ALG5: variants seen among roughly 807,000 people sequenced by gnomAD.
The protein encoded by ALG5 is ALG5 dolichyl-phosphate beta-glucosyltransferase.
Under a neutral mutation model 51.8 loss-of-function variants are expected in ALG5, and 26 were observed. The observed-to-expected ratio is 0.50, with a 90% CI of 0.37 to 0.70. The LOEUF (loss-of-function observed/expected upper bound fraction) is 0.70, where lower values mean the gene tolerates loss of function less well. Ranked by LOEUF, ALG5 falls within the 30% of genes least tolerant of loss-of-function variation. The pLI is 0.00. For missense variants in ALG5, 311 were observed against 399.3 expected, an observed-to-expected ratio of 0.78 and a Z score of 1.88; for synonymous variants, 141 against 136.1, an observed-to-expected ratio of 1.04 and a Z score of -0.25.
rs576647300 is a variant in ALG5 at position 36,964,252 on chromosome 13, G to T, written c.773+1323C>A. Among the ~76,000 whole-genome samples the T allele has an allele frequency of 9.5e-4, 145 of 152,212 alleles. 1 individual carries two copies. The highest frequency in any genetic ancestry group is 1.9e-3 in the South Asian group (9 of 4,822). On this transcript the variant is annotated intron_variant, in intron 8 of 9. Coordinates refer to ENST00000239891, the MANE Select transcript of ALG5 (RefSeq NM_013338.5). ...GTCCGCATGTGGAGACACAGGTGGG[G>T]CCAGACTAAAGACCATGGGAAGCCC...
At chr13:36,991,044 A>T (rs766294591) in intron 4 of ALG5, among the ~76,000 whole-genome samples, 18 of 152,216 alleles carry the variant, frequency 1.2e-4, no homozygotes, top group Non-Finnish European at 2.4e-4. Flanking sequence ...ATCACATATG[A>T]GTTCCTTATC....
At chr13:36,988,912 G>C (rs2059013622) in intron 5 of ALG5, among the ~76,000 whole-genome samples, 1 of 152,140 alleles carries the variant, frequency 6.6e-6, no homozygotes, top group African/African-American at 2.4e-5. Context: ...AATTATTTAG[G>C]TTTTCTTTCA....
At chr13:36,959,637 T>A (rs1032141548) in intron 8 of ALG5, among the ~76,000 whole-genome samples, 1 of 152,116 alleles carries the variant, frequency 6.6e-6, no homozygotes, top group Non-Finnish European at 1.5e-5. Context: ...TTGGACTCCT[T>A]CACAGAAGTA....
Position 36,995,473 on chromosome 13 carries a change from T to C in ALG5, c.190A>G (p.Thr64Ala), listed in dbSNP as rs1396719298. 9 of 1,613,004 alleles carry C rather than the reference T, an allele frequency of 5.6e-6. No homozygotes were observed. Among genetic ancestry groups the C allele is most frequent in the Non-Finnish European group, 6.8e-6 (8 of 1,179,762 alleles). ...GGCACAACGACAGAAAGTTGTTTGGTAGGTGAGTCCCATATGCTGGGTAAA... is the reference window on the plus strand; with the variant it reads ...GGCACAACGACAGAAAGTTGTTTGGCAGGTGAGTCCCATATGCTGGGTAAA... Reference protein sequence around the residue: ...ETLPSIWDSPTKQLSVVVPSY... With the variant: ...ETLPSIWDSPAKQLSVVVPSY... Residue 64 changes from threonine to alanine, a missense_variant, in exon 2 of 10, where the codon ACC (threonine) becomes GCC (alanine). Transcript: ENST00000239891.
In ALG5 at chr13:36,949,954, C is replaced by T. The variant is rs778547845; in HGVS notation, c.963G>A (p.Arg321=). The change falls in exon 10 of 10, where the codon CGG becomes CGA. Residue 321 remains arginine, a synonymous_variant. Transcript: ENST00000239891. ...LTGAWRLEQT[R]KMN Reference sequence around the variant, plus strand: ...GACTGCAAACAACCTAATTCATTTTCCGAGTTTGCTCAAGCCTCCAGGCAC... The same window carrying T: ...GACTGCAAACAACCTAATTCATTTTTCGAGTTTGCTCAAGCCTCCAGGCAC... The T allele has an allele frequency of 6.2e-7, 1 of 1,609,792 alleles. No individual in the cohort carries two copies. Among genetic ancestry groups the T allele is most frequent in the South Asian group, 1.1e-5 (1 of 90,340 alleles).
chr13:36,958,743 GC>G (rs1366875548), intron 8 of ALG5, among the ~76,000 whole-genome samples: 1 of 152,120 alleles, frequency 6.6e-6, no homozygotes, highest in Non-Finnish European at 1.5e-5. Context: ...TAAACATGGG[GC>G]TTGTAACTCA....
At chr13:36,966,139 T>C (rs934350872) in intron 7 of ALG5, among the ~76,000 whole-genome samples, 2 of 152,194 alleles carry the variant, frequency 1.3e-5, no homozygotes, top group Non-Finnish European at 2.9e-5. Flanking sequence ...AGCACAGATA[T>C]AAGCCTGCAG....
intron 7 of ALG5, among the ~76,000 whole-genome samples, chr13:36,968,270 G>C (rs905469917): frequency 6.6e-6 from 1 of 152,134 alleles, no homozygotes; most frequent in Admixed American, 6.6e-5. Flanking sequence ...AATTTTCACT[G>C]TTTCAGTGTT....
chr13:36,969,584 A>C (rs1372526863), intron 7 of ALG5, among the ~76,000 whole-genome samples: 1 of 151,890 alleles, frequency 6.6e-6, no homozygotes, highest in African/African-American at 2.4e-5. Context: ...CCCAGGCTGG[A>C]GTGCAGTGGC....
chr13:36,990,868 C>T (rs1447508210), intron 4 of ALG5, among the ~76,000 whole-genome samples: 1 of 152,240 alleles, frequency 6.6e-6, no homozygotes, highest in Non-Finnish European at 1.5e-5. Flanking sequence ...ATGCTATCCT[C>T]ACACCTTCCT....
chr13:36,961,929 C>T (rs2058869024), intron 8 of ALG5, among the ~76,000 whole-genome samples: 1 of 151,928 alleles, frequency 6.6e-6, no homozygotes, highest in Non-Finnish European at 1.5e-5. Flanking sequence ...TTACAGGTGC[C>T]TACCACCACG....
chr13:36,991,381 C>T (rs956200507), intron 4 of ALG5, among the ~76,000 whole-genome samples: 6 of 151,808 alleles, frequency 4.0e-5, no homozygotes, highest in African/African-American at 1.5e-4. Context: ...CACAATGCAA[C>T]TGTAAATGTC....
chr13:36,960,152 A>G (rs2058859229), intron 8 of ALG5, among the ~76,000 whole-genome samples: 1 of 152,226 alleles, frequency 6.6e-6, no homozygotes, highest in Non-Finnish European at 1.5e-5. Context: ...TCACACAGCT[A>G]TGACTATCAA....
chr13:36,956,898 T>C (rs528142094), intron 8 of ALG5, among the ~76,000 whole-genome samples: 14 of 152,098 alleles, frequency 9.2e-5, no homozygotes, highest in African/African-American at 3.4e-4. Flanking sequence ...GAAATGCTTA[T>C]AGAAGGACCC....
At chr13:36,966,758 C>A (rs915305758) in intron 7 of ALG5, among the ~76,000 whole-genome samples, 2 of 152,164 alleles carry the variant, frequency 1.3e-5, no homozygotes, top group African/African-American at 2.4e-5. Flanking sequence ...ACATAAGCAA[C>A]CTATTAAGAG....
rs528841301 is a variant in ALG5 at position 36,993,470 on chromosome 13, C to T, written c.354+134G>A. 276 of 699,124 alleles carry T rather than the reference C, an allele frequency of 3.9e-4. No individual in the cohort carries two copies. In the Middle Eastern group the frequency reaches 4.0e-3, roughly 10 times the overall value. The allele number at this position is 699,124 out of a possible 1,614,324, so 43.3% of individuals were successfully genotyped here. ...CCATAAATGAAATCTGTTTTTTCTG[C>T]TATCTAGACTATAACAATGGAGAGT... On this transcript the variant is annotated intron_variant, in intron 4 of 9. Transcript: ENST00000239891.
chr13:36,982,129 G>GT (rs1412671591), intron 6 of ALG5, among the ~76,000 whole-genome samples: 6 of 152,024 alleles, frequency 3.9e-5, no homozygotes, highest in African/African-American at 9.7e-5. Flanking sequence ...AACAAAAACC[G>GT]TAAGAACTGA....
intron 5 of ALG5, among the ~76,000 whole-genome samples, chr13:36,988,074 T>C (rs9547713): frequency 0.37 from 56,504 of 152,028 alleles, 11,494 homozygotes; most frequent in Non-Finnish European, 0.46. Flanking sequence ...CCCTCCCAAC[T>C]TGGAGGTGGT....
At chr13:36,969,246 C>T (rs1388178309) in intron 7 of ALG5, among the ~76,000 whole-genome samples, 2 of 151,808 alleles carry the variant, frequency 1.3e-5, no homozygotes, top group Non-Finnish European at 2.9e-5. Flanking sequence ...GAATTTACAC[C>T]ATGAAAAACA....
Sources: allele counts gnomAD v4.1 joint callset (sites outside exome capture counted in the v4.1 genomes callset), GRCh38; gene constraint gnomAD v4.1.1; transcripts MANE v1.5; gene names NCBI Gene and HGNC (gene_info 2026-07-23, HGNC 2026-07-21).